The following SCFD2 variants were observed in gnomAD, a reference collection of about 807,000 sequenced individuals.
SCFD2 encodes sec1 family domain containing 2.
A neutral mutation model predicts 58.9 loss-of-function variants in SCFD2; 54 were observed. The ratio of observed to expected loss-of-function variants is 0.92; its 90% CI spans 0.74 to 1.15. SCFD2 has a LOEUF of 1.15. Ranked by LOEUF, SCFD2 falls within the 50% of genes most tolerant of loss-of-function variation. The pLI is 0.00. For missense variants in SCFD2, 805 were observed against 836.6 expected, an observed-to-expected ratio of 0.96 and a Z score of 0.47; for synonymous variants, 321 against 335.9, an observed-to-expected ratio of 0.96 and a Z score of 0.49.
At chr4:52,908,553 T>A (rs548865555) in intron 6 of SCFD2, among the ~76,000 whole-genome samples, 2 of 152,294 alleles carry the variant, frequency 1.3e-5, no homozygotes, top group Admixed American at 1.3e-4. Flanking sequence ...GCATATCCTG[T>A]ATTAAACTCT....
chr4:52,983,783 G>C (rs1212395516), intron 5 of SCFD2, among the ~76,000 whole-genome samples: 1 of 152,132 alleles, frequency 6.6e-6, no homozygotes, highest in Admixed American at 6.5e-5. Context: ...AGAGGAACTA[G>C]AGTGACAAAC....
At chr4:53,094,977 C>A (rs1321671409) in intron 5 of SCFD2, among the ~76,000 whole-genome samples, 1 of 152,140 alleles carries the variant, frequency 6.6e-6, no homozygotes, top group Non-Finnish European at 1.5e-5. Context: ...GTTAGCATTA[C>A]TGATGTACTT....
chr4:52,907,321 C>T, intron 7 of SCFD2, 136 bp downstream of exon 7: 1 of 801,342 alleles, frequency 1.2e-6, no homozygotes, highest in Non-Finnish European at 2.0e-6. Flanking sequence ...ATAAAGATTG[C>T]CCTTGATTTT....
At chr4:52,953,260 T>C (rs1577856436) in intron 5 of SCFD2, among the ~76,000 whole-genome samples, 2 of 152,306 alleles carry the variant, frequency 1.3e-5, no homozygotes, top group East Asian at 3.9e-4. Context: ...AGTTTCCAAC[T>C]ATAGAGTAAA....
chr4:53,174,313 A>G (rs1466913065), intron 4 of SCFD2, among the ~76,000 whole-genome samples: 1 of 152,130 alleles, frequency 6.6e-6, no homozygotes, highest in East Asian at 1.9e-4. Flanking sequence ...AAAACATAAA[A>G]CCACAGACAC....
At chr4:53,139,554 C>A (rs1726058813) in intron 5 of SCFD2, among the ~76,000 whole-genome samples, 1 of 148,764 alleles carries the variant, frequency 6.7e-6, no homozygotes, top group Non-Finnish European at 1.5e-5. Context: ...AAGTGAGGAG[C>A]CCCTCCGCCC....
At chr4:53,312,156 C>A (rs1373162462) in intron 3 of SCFD2, among the ~76,000 whole-genome samples, 2 of 152,122 alleles carry the variant, frequency 1.3e-5, no homozygotes, top group Non-Finnish European at 2.9e-5. Context: ...GAGACCCACT[C>A]TAAGGGTGAG....
intron 5 of SCFD2, among the ~76,000 whole-genome samples, chr4:53,015,434 A>G (rs1020939177): frequency 1.3e-5 from 2 of 152,166 alleles, no homozygotes; most frequent in Non-Finnish European, 2.9e-5. Flanking sequence ...ATGCAAAAAA[A>G]CAAAAACAAA....
intron 5 of SCFD2, among the ~76,000 whole-genome samples, chr4:52,968,512 A>G (rs1721016758): frequency 1.3e-5 from 2 of 152,164 alleles, no homozygotes. Context: ...GCATGCATGT[A>G]TGTGTGTTCA....
At chr4:53,120,612 G>A (rs1357510268) in intron 5 of SCFD2, among the ~76,000 whole-genome samples, 1 of 152,140 alleles carries the variant, frequency 6.6e-6, no homozygotes, top group African/African-American at 2.4e-5. Context: ...AGACACAGAG[G>A]TCCCTGTTTC....
At chr4:53,062,054 T>C (rs1723528758) in intron 5 of SCFD2, among the ~76,000 whole-genome samples, 2 of 151,716 alleles carry the variant, frequency 1.3e-5, no homozygotes, top group South Asian at 2.1e-4. Flanking sequence ...ATTGTAATTA[T>C]ATAACATAAT....
intron 8 of SCFD2, among the ~76,000 whole-genome samples, chr4:52,885,073 C>T (rs1037280247): frequency 1.6e-4 from 24 of 152,304 alleles, no homozygotes; most frequent in Non-Finnish European, 2.8e-4. Flanking sequence ...TTCTTCACCA[C>T]TGGGCCACAG....
intron 3 of SCFD2, among the ~76,000 whole-genome samples, chr4:53,292,061 A>G (rs1731859120): frequency 6.6e-6 from 1 of 152,058 alleles, no homozygotes; most frequent in South Asian, 2.1e-4. Context: ...AAAACCCAAA[A>G]CTATAAAACT....
Position 53,004,972 on chromosome 4 carries a change from C to T in SCFD2, c.1562-84102G>A, listed in dbSNP as rs1192673360. Among the ~76,000 whole-genome samples the T allele has an allele frequency of 2.6e-5, 4 of 152,204 alleles. No homozygotes were observed. The East Asian group carries it at 7.7e-4, about 29-fold the overall frequency. ...TGACACCAGTGGCGTGATCTTGGCT[C>T]ACTTCCACCTCTGCCTCCTGGGTTT... On this transcript the variant is annotated intron_variant, in intron 5 of 8. Coordinates refer to ENST00000401642, the MANE Select transcript of SCFD2 (RefSeq NM_152540.4).
intron 7 of SCFD2, among the ~76,000 whole-genome samples, chr4:52,902,605 G>T (rs1022071391): frequency 2.0e-5 from 3 of 152,208 alleles, no homozygotes; most frequent in African/African-American, 7.2e-5. Flanking sequence ...CAGTGTGGCA[G>T]GGATACAAAT....
intron 4 of SCFD2, among the ~76,000 whole-genome samples, chr4:53,217,134 T>G (rs908197518): frequency 3.9e-5 from 6 of 152,158 alleles, no homozygotes; most frequent in Admixed American, 3.9e-4. Context: ...TGATTTGGGG[T>G]GGAGAGTTCT....
intron 3 of SCFD2, among the ~76,000 whole-genome samples, chr4:53,305,903 A>G (rs1732499076): frequency 6.6e-6 from 1 of 152,262 alleles, no homozygotes; most frequent in Non-Finnish European, 1.5e-5. Flanking sequence ...AAAGCAATCC[A>G]TTAAATAAAT....
intron 2 of SCFD2, among the ~76,000 whole-genome samples, chr4:53,351,889 T>G (rs947067448): frequency 6.6e-6 from 1 of 152,166 alleles, no homozygotes; most frequent in African/African-American, 2.4e-5. Context: ...ACTATAATAC[T>G]GAAAGATCCT....
intron 1 of SCFD2, among the ~76,000 whole-genome samples, chr4:53,361,403 A>G (rs541879458): frequency 6.6e-6 from 1 of 152,298 alleles, no homozygotes; most frequent in Non-Finnish European, 1.5e-5. Flanking sequence ...TTTTATTTTT[A>G]CTTATTTATT....
Sources: allele counts gnomAD v4.1 joint callset (sites outside exome capture counted in the v4.1 genomes callset), GRCh38; gene constraint gnomAD v4.1.1; transcripts MANE v1.5; gene names NCBI Gene and HGNC (gene_info 2026-07-23, HGNC 2026-07-21).